Variants in API5 observed in about 807,000 individuals in gnomAD.
The protein encoded by API5 is apoptosis inhibitor 5.
A neutral mutation model predicts 71.9 loss-of-function variants in API5; 6 were observed. That is an observed-to-expected ratio of 0.08 (90% CI 0.05 to 0.16). The LOEUF (loss-of-function observed/expected upper bound fraction) is 0.16, where lower values mean the gene tolerates loss of function less well. Ranked by LOEUF, API5 falls within the 10% of genes least tolerant of loss-of-function variation. API5 has a pLI of 1.00. For missense variants in API5, 332 were observed against 612.8 expected, an observed-to-expected ratio of 0.54 and a Z score of 4.84; for synonymous variants, 189 against 221.3, an observed-to-expected ratio of 0.85 and a Z score of 1.30.
chr11:43,312,277 C>G, intron 1 of API5, 81 bp downstream of exon 1: 2 of 1,458,950 alleles, frequency 1.4e-6, no homozygotes, highest in East Asian at 2.4e-5. Flanking sequence ...CTCCCCGGGC[C>G]GAGCGGGGGC....
intron 11 of API5, among the ~76,000 whole-genome samples, chr11:43,333,615 T>TA (rs1241352541): frequency 6.6e-6 from 1 of 152,212 alleles, no homozygotes; most frequent in Admixed American, 6.5e-5. Flanking sequence ...TACAGATAGA[T>TA]ATATGACTGG....
At chr11:43,342,407 C>T (rs1182585424) in intron 13 of API5, 21 bp from the exon 14 acceptor site, 6 of 1,575,942 alleles carry the variant, frequency 3.8e-6, no homozygotes, top group Non-Finnish European at 5.2e-6. Flanking sequence ...AAGACCTAAA[C>T]CCTTGTTCGC....
intron 6 of API5, 47 bp from the exon 7 acceptor site, chr11:43,326,460 G>A (rs1252245368): frequency 4.3e-6 from 5 of 1,165,744 alleles, no homozygotes; most frequent in Non-Finnish European, 5.1e-6. Context: ...TAATATTTGA[G>A]CGAATATTTG....
In API5 at chr11:43,318,073, G is replaced by A. The variant is rs1289402025; in HGVS notation, c.70-567G>A. Reference sequence around the variant, plus strand: ...CATCCAGGCTGGAGTGCAGTAGTACGATCTCAGCTCACTGCAACCTCCGCT... The same window carrying A: ...CATCCAGGCTGGAGTGCAGTAGTACAATCTCAGCTCACTGCAACCTCCGCT... On this transcript the variant is annotated intron_variant, in intron 1 of 13. Transcript: ENST00000531273. Among the ~76,000 whole-genome samples, 3 of 152,130 alleles carry A rather than the reference G, an allele frequency of 2.0e-5. 1 individual carries two copies. In the South Asian group the frequency reaches 6.2e-4, roughly 32 times the overall value.
At chr11:43,335,216 C>CA in intron 11 of API5, 62 bp from the exon 12 acceptor site, 2 of 1,197,212 alleles carry the variant, frequency 1.7e-6, no homozygotes, top group Non-Finnish European at 2.5e-6. Context: ...TTCCTACCCT[C>CA]ACCACCACTC....
Position 43,312,003 on chromosome 11 carries a change from GCGGCT to G in API5, c.-124_-120del. The G allele has an allele frequency of 5.5e-6, 6 of 1,095,376 alleles. No individual in the cohort carries two copies. Among genetic ancestry groups the G allele is most frequent in the Non-Finnish European group, 7.9e-6 (6 of 757,362 alleles). The allele number at this position is 1,095,376 out of a possible 1,614,324, so 67.9% of individuals were successfully genotyped here. A position where few individuals can be genotyped will look rare whatever the true frequency, so the allele number is the denominator to read the frequency against. On this transcript the variant is annotated 5_prime_UTR_variant, in exon 1 of 14. Coordinates refer to ENST00000531273, the MANE Select transcript of API5 (RefSeq NM_001142930.2). ...GCAGCCGCGCTGTGCGCGGTGACTG[GCGGCT>G]GCACTGGCGGCAGCTGGAGGTGTAA...
chr11:43,327,508 T>A (rs1332491566), intron 7 of API5, among the ~76,000 whole-genome samples: 2 of 152,214 alleles, frequency 1.3e-5, no homozygotes, highest in Non-Finnish European at 2.9e-5. Context: ...TTTCCATACT[T>A]CTTCTCACAG....
Position 43,342,680 on chromosome 11 carries a change from T to G in API5, c.*170T>G. On this transcript the variant is annotated 3_prime_UTR_variant, in exon 14 of 14. Coordinates refer to ENST00000531273, the MANE Select transcript of API5 (RefSeq NM_001142930.2). ...CTACTTTTGTAACAGACCATGGTTG[T>G]GTCCAAGGTAAAACCACAGTGATAT... 1 of 738,296 alleles carries G rather than the reference T, an allele frequency of 1.4e-6. No individual in the cohort carries two copies. The highest frequency in any genetic ancestry group is 2.4e-6 in the Non-Finnish European group (1 of 417,222). The allele number at this position is 738,296 out of a possible 1,614,324, so 45.7% of individuals were successfully genotyped here. A position where few individuals can be genotyped will look rare whatever the true frequency, so the allele number is the denominator to read the frequency against.
intron 7 of API5, among the ~76,000 whole-genome samples, 161 bp downstream of exon 7, chr11:43,326,772 T>A: frequency 6.6e-6 from 1 of 152,224 alleles, no homozygotes; most frequent in East Asian, 1.9e-4. Flanking sequence ...TTAGGACTGC[T>A]TCATGGATTC....
intron 11 of API5, 31 bp from the exon 12 acceptor site, chr11:43,335,247 T>C: frequency 6.6e-7 from 1 of 1,508,732 alleles, no homozygotes; most frequent in Non-Finnish European, 9.2e-7. Flanking sequence ...ACAAATACAT[T>C]AGAATTCTTG....
intron 1 of API5, among the ~76,000 whole-genome samples, chr11:43,313,920 C>G (rs1370545897): frequency 2.6e-5 from 4 of 152,046 alleles, no homozygotes; most frequent in African/African-American, 9.7e-5. Context: ...GAACCCCCAT[C>G]TCTACTAAAA....
intron 8 of API5, among the ~76,000 whole-genome samples, chr11:43,328,200 C>T (rs763527561): frequency 1.3e-5 from 2 of 152,156 alleles, no homozygotes; most frequent in Non-Finnish European, 2.9e-5. Flanking sequence ...ACATCTGGCA[C>T]TCGTCCAGAT....
chr11:43,333,312 A>G (rs1855319018), intron 11 of API5, among the ~76,000 whole-genome samples: 1 of 152,182 alleles, frequency 6.6e-6, no homozygotes, highest in South Asian at 2.1e-4. Flanking sequence ...TAAAATAATT[A>G]AAAGTCTCAG....
intron 2 of API5, among the ~76,000 whole-genome samples, chr11:43,320,369 T>C (rs184096350): frequency 6.8e-4 from 103 of 152,160 alleles, no homozygotes; most frequent in African/African-American, 2.4e-3. Flanking sequence ...TTTTTAAAAC[T>C]GCTAGAAATC....
chr11:43,321,585 A>T, intron 4 of API5, 109 bp downstream of exon 4: 1 of 895,484 alleles, frequency 1.1e-6, no homozygotes, highest in Non-Finnish European at 1.7e-6. Context: ...TCTATTTCAT[A>T]AAAATTCTAA....
At chr11:43,326,998 T>C (rs1273980039) in intron 7 of API5, among the ~76,000 whole-genome samples, 2 of 152,254 alleles carry the variant, frequency 1.3e-5, no homozygotes, top group Admixed American at 1.3e-4. Context: ...TCAACTGTAA[T>C]GTATGTAAAC....
At chr11:43,338,994 T>C (rs1855526467) in intron 13 of API5, among the ~76,000 whole-genome samples, 1 of 152,198 alleles carries the variant, frequency 6.6e-6, no homozygotes, top group Non-Finnish European at 1.5e-5. Flanking sequence ...ACTGCATCTG[T>C]CTCTGGGAGC....
chr11:43,335,360 A>G lies in API5; in HGVS notation c.1355+6A>G. 6.4e-7 allele frequency: 1 copy of G among 1,551,650 alleles called. No individual in the cohort carries two copies. The highest frequency in any genetic ancestry group is 1.4e-5 in the African/African-American group (1 of 73,584). On this transcript the variant is annotated splice_donor_region_variant and intron_variant, in intron 12 of 13. Coordinates refer to ENST00000531273, the MANE Select transcript of API5 (RefSeq NM_001142930.2). ...GTACAAAAGGTTGAGATTGGGTAAG[A>G]AATATATTTAAAAGAGATTTAAGTG...
At chr11:43,339,115 T>A (rs1234614673) in intron 13 of API5, 3 of 152,124 alleles carry the variant, frequency 2.0e-5, no homozygotes, top group Admixed American at 2.0e-4. Context: ...TGTAAAAAAA[T>A]GTGTCATGGC....
Sources: allele counts gnomAD v4.1 joint callset (sites outside exome capture counted in the v4.1 genomes callset), GRCh38; gene constraint gnomAD v4.1.1; transcripts MANE v1.5; gene names NCBI Gene and HGNC (gene_info 2026-07-23, HGNC 2026-07-21).